The following SLC10A7 variants were observed in gnomAD, a reference collection of about 807,000 sequenced individuals.
SLC10A7 encodes solute carrier family 10 member 7, also known as sodium/bile acid cotransporter 7.
SLC10A7 carries 29 observed loss-of-function variants against 43.2 expected under a neutral mutation model. The ratio of observed to expected loss-of-function variants is 0.67; its 90% CI spans 0.50 to 0.92. The LOEUF is 0.92. Ranked by LOEUF, SLC10A7 falls within the 40% of genes least tolerant of loss-of-function variation. The pLI is 0.00. For missense variants in SLC10A7, 295 were observed against 403.2 expected (o/e 0.73, Z 2.30); for synonymous variants, 152 against 144.8 (o/e 1.05, Z -0.35).
At chr4:146,488,974 C>T (rs921470574) in intron 4 of SLC10A7, among the ~76,000 whole-genome samples, 7 of 152,166 alleles carry the variant, frequency 4.6e-5, no homozygotes, top group African/African-American at 1.7e-4. Flanking sequence ...AAACACTGCA[C>T]TAGATACAGA....
At chr4:146,327,397 C>T (rs1733207125) in intron 5 of SLC10A7, among the ~76,000 whole-genome samples, 1 of 152,192 alleles carries the variant, frequency 6.6e-6, no homozygotes, top group Admixed American at 6.5e-5. Context: ...TTCTCATTAA[C>T]ACATTTAGGA....
At position 146,350,057 on chromosome 4, in the gene SLC10A7, G is replaced by T. The variant is rs370725676; in HGVS notation, c.436-24061C>A. ...AGATGGCCGAATAGGAACAGCTCCCGTCTACAGCTCCCAGCGTGAGCGACG... is the reference window on the plus strand; with the variant it reads ...AGATGGCCGAATAGGAACAGCTCCCTTCTACAGCTCCCAGCGTGAGCGACG... On this transcript the variant is annotated intron_variant, in intron 5 of 11. Coordinates refer to ENST00000335472, the MANE Select transcript of SLC10A7 (RefSeq NM_001029998.6). Among the ~76,000 whole-genome samples, 5 of 152,150 alleles carry T rather than the reference G, an allele frequency of 3.3e-5. No homozygotes were observed. In the East Asian group the frequency reaches 5.8e-4, roughly 18 times the overall value.
intron 4 of SLC10A7, among the ~76,000 whole-genome samples, chr4:146,467,751 T>A (rs768767764): frequency 6.6e-5 from 10 of 151,934 alleles, no homozygotes; most frequent in Non-Finnish European, 1.2e-4. Context: ...TTAGTAGAGA[T>A]GGGGTGTTGC....
intron 4 of SLC10A7, among the ~76,000 whole-genome samples, chr4:146,447,708 G>A (rs1315355124): frequency 6.7e-6 from 1 of 149,530 alleles, no homozygotes; most frequent in African/African-American, 2.5e-5. Context: ...TTTTAATATT[G>A]ACTAGATTGA....
At chr4:146,329,981 T>C (rs556078067) in intron 5 of SLC10A7, among the ~76,000 whole-genome samples, 50 of 152,312 alleles carry the variant, frequency 3.3e-4, no homozygotes, top group Non-Finnish European at 5.4e-4. Context: ...TCCTTGCAGA[T>C]TCAAGGTAAG....
intron 5 of SLC10A7, among the ~76,000 whole-genome samples, chr4:146,357,550 A>G (rs1560831584): frequency 6.6e-6 from 1 of 152,228 alleles, no homozygotes; most frequent in South Asian, 2.1e-4. Flanking sequence ...CGTCTACCTT[A>G]AAACAACAAC....
intron 5 of SLC10A7, among the ~76,000 whole-genome samples, chr4:146,364,390 A>C (rs780114116): frequency 6.6e-6 from 1 of 152,160 alleles, no homozygotes; most frequent in East Asian, 1.9e-4. Context: ...TGATGACTTC[A>C]CTGATGAATT....
chr4:146,368,522 G>A (rs937957799), intron 5 of SLC10A7, among the ~76,000 whole-genome samples: 2 of 152,118 alleles, frequency 1.3e-5, no homozygotes, highest in Admixed American at 6.5e-5. Context: ...TTATTTTTAC[G>A]TAGGTAGTAA....
intron 4 of SLC10A7, among the ~76,000 whole-genome samples, chr4:146,500,859 G>A (rs1055914951): frequency 1.3e-5 from 2 of 152,096 alleles, no homozygotes; most frequent in African/African-American, 4.8e-5. Flanking sequence ...ACTGTGGTCA[G>A]GCTGCCAATT....
chr4:146,290,865 C>G (rs540946390), intron 9 of SLC10A7, among the ~76,000 whole-genome samples: 1 of 152,086 alleles, frequency 6.6e-6, no homozygotes, highest in African/African-American at 2.4e-5. Flanking sequence ...GTCTCTAAAC[C>G]AAACCAAACC....
At chr4:146,364,500 C>T (rs1736262521) in intron 5 of SLC10A7, among the ~76,000 whole-genome samples, 2 of 152,022 alleles carry the variant, frequency 1.3e-5, no homozygotes, top group Non-Finnish European at 2.9e-5. Flanking sequence ...AAATGGAAGA[C>T]ATTATGATAA....
chr4:146,310,558 A>G (rs1031681668), intron 6 of SLC10A7, among the ~76,000 whole-genome samples: 1 of 151,874 alleles, frequency 6.6e-6, no homozygotes, highest in Non-Finnish European at 1.5e-5. Flanking sequence ...TTTGATTTGC[A>G]TTTCTCTGAT....
intron 5 of SLC10A7, among the ~76,000 whole-genome samples, chr4:146,412,271 AG>A: frequency 6.6e-6 from 1 of 152,274 alleles, no homozygotes; most frequent in East Asian, 1.9e-4. Flanking sequence ...TTTTAAAACA[AG>A]TTACTAATTA....
intron 4 of SLC10A7, among the ~76,000 whole-genome samples, chr4:146,469,682 G>A (rs1051953088): frequency 2.6e-5 from 4 of 152,190 alleles, no homozygotes; most frequent in East Asian, 1.9e-4. Context: ...AGGCTTGAGC[G>A]CAGTGGCATG....
intron 11 of SLC10A7, chr4:146,256,795 T>G: frequency 6.9e-7 from 1 of 1,459,772 alleles, no homozygotes; most frequent in Non-Finnish European, 9.3e-7. Flanking sequence ...ATCAGTACTG[T>G]GTGCAAAGCA....
intron 5 of SLC10A7, among the ~76,000 whole-genome samples, chr4:146,429,742 G>A (rs569973311): frequency 6.6e-6 from 1 of 152,150 alleles, no homozygotes; most frequent in East Asian, 1.9e-4. Flanking sequence ...AAGGAAAGCT[G>A]GAGAAATTGC....
rs76555782 is a variant in SLC10A7 at position 146,422,529 on chromosome 4, A to G, written c.435+20254T>C. The stretch of plus-strand genomic sequence containing the variant: ...CTAAAAAGAACATTACTATAGTTTA[A>G]CCGTGTATAAAACTGTAACTAAAAA... On this transcript the variant is annotated intron_variant, in intron 5 of 11. Transcript: ENST00000335472. Among the ~76,000 whole-genome samples, 149 of 152,302 alleles carry G rather than the reference A, an allele frequency of 9.8e-4. 1 individual carries two copies. The East Asian group carries it at 0.015, about 15-fold the overall frequency.
chr4:146,490,735 C>T (rs1735323538), intron 4 of SLC10A7, among the ~76,000 whole-genome samples: 1 of 152,026 alleles, frequency 6.6e-6, no homozygotes, highest in African/African-American at 2.4e-5. Flanking sequence ...GGAAAAAAAA[C>T]ATATGCCCAA....
intron 4 of SLC10A7, among the ~76,000 whole-genome samples, chr4:146,484,024 TAAC>T: frequency 6.6e-6 from 1 of 152,014 alleles, no homozygotes; most frequent in Admixed American, 6.6e-5. Context: ...AGCAATGCAA[TAAC>T]AATAATGAAC....
Sources: gnomAD v4.1 joint callset for allele counts (sites outside exome capture counted in the v4.1 genomes callset) on GRCh38, gnomAD v4.1.1 for gene constraint, MANE v1.5 for transcripts, NCBI Gene and HGNC (gene_info 2026-07-23, HGNC 2026-07-21) for gene names.